Variants in XPO6 observed in about 807,000 individuals in gnomAD.
The protein encoded by XPO6 is exportin-6.
XPO6 carries 3 observed loss-of-function variants against 130.0 expected under a neutral mutation model. The ratio of observed to expected loss-of-function variants is 0.02; its 90% CI spans 0.01 to 0.06. The LOEUF (loss-of-function observed/expected upper bound fraction) is 0.06, where lower values mean the gene tolerates loss of function less well. Among genes scored for constraint, XPO6 ranks in the 10% least tolerant of loss-of-function variants. The pLI, the probability that XPO6 is intolerant of heterozygous loss-of-function variation, is 1.00. For synonymous variants in XPO6, 524 were observed against 548.9 expected (o/e 0.95, Z 0.63); for missense variants, 970 against 1,393.0 (o/e 0.70, Z 4.83).
intron 2 of XPO6, among the ~76,000 whole-genome samples, chr16:28,180,133 G>A (rs963659072): frequency 6.6e-5 from 10 of 152,180 alleles, no homozygotes; most frequent in East Asian, 1.9e-4. Flanking sequence ...TTGGGAGGCC[G>A]AGGTGGGCAG....
At chr16:28,126,430 C>T (rs1228188306) in intron 12 of XPO6, among the ~76,000 whole-genome samples, 2 of 152,158 alleles carry the variant, frequency 1.3e-5, no homozygotes, top group Non-Finnish European at 2.9e-5. Flanking sequence ...GACTTGGATT[C>T]CGAAGACACA....
At chr16:28,174,596 T>G (rs2043505093) in intron 4 of XPO6, among the ~76,000 whole-genome samples, 1 of 152,212 alleles carries the variant, frequency 6.6e-6, no homozygotes, top group Non-Finnish European at 1.5e-5. Flanking sequence ...AATCTCTAGA[T>G]AAATGAAGCA....
chr16:28,183,073 T>A (rs1248590892), intron 1 of XPO6, among the ~76,000 whole-genome samples: 2 of 152,202 alleles, frequency 1.3e-5, no homozygotes, highest in Admixed American at 6.5e-5. Context: ...TTAAAGTAGA[T>A]CCTGCAGCAA....
At chr16:28,131,035 C>A (rs1437942012) in intron 12 of XPO6, among the ~76,000 whole-genome samples, 1 of 152,142 alleles carries the variant, frequency 6.6e-6, no homozygotes, top group Non-Finnish European at 1.5e-5. Flanking sequence ...CACGATTATT[C>A]CCAAAAATGG....
rs1193365018 is a variant in XPO6, at chr16:28,146,242, A to T, written c.1225-39T>A. The T allele has an allele frequency of 6.5e-6, 9 of 1,380,090 alleles. No homozygotes were observed. In the African/African-American group the frequency reaches 1.3e-4, roughly 20 times the overall value. 85.5% of individuals were successfully genotyped at this position (1,380,090 alleles called of 1,614,324 possible). A position where few individuals can be genotyped will look rare whatever the true frequency, so the allele number is the denominator to read the frequency against. On this transcript the variant is annotated intron_variant, in intron 8 of 23. Coordinates refer to ENST00000304658, the MANE Select transcript of XPO6 (RefSeq NM_015171.4). ...AAAATCCAGACAATGAAATTATTTAATGCTACTATTCCTTAGAAACACACA... is the reference window on the plus strand; with the variant it reads ...AAAATCCAGACAATGAAATTATTTATTGCTACTATTCCTTAGAAACACACA...
intron 20 of XPO6, chr16:28,105,785 T>C (rs2086762426): frequency 2.2e-6 from 1 of 460,192 alleles, no homozygotes; most frequent in Non-Finnish European, 3.8e-6. Flanking sequence ...GGTATAAAAT[T>C]TGCCGCAGGA....
intron 14 of XPO6, among the ~76,000 whole-genome samples, chr16:28,120,540 CA>C (rs888551037): frequency 2.0e-5 from 3 of 152,108 alleles, no homozygotes; most frequent in Non-Finnish European, 4.4e-5. Context: ...GAATTTCAGT[CA>C]ATCTAGCACA....
At chr16:28,199,534 C>A (rs1159742522) in intron 1 of XPO6, among the ~76,000 whole-genome samples, 2 of 152,000 alleles carry the variant, frequency 1.3e-5, no homozygotes, top group Admixed American at 1.3e-4. Context: ...GCCTCGGCCT[C>A]CCAAAGTGCT....
chr16:28,172,640 A>C (rs1880652238), intron 4 of XPO6, among the ~76,000 whole-genome samples: 1 of 152,298 alleles, frequency 6.6e-6, no homozygotes, highest in South Asian at 2.1e-4. Flanking sequence ...ACCGCACGTA[A>C]GGCTGGGTTA....
At chr16:28,116,263 C>T (rs1191245789) in intron 15 of XPO6, among the ~76,000 whole-genome samples, 3 of 152,120 alleles carry the variant, frequency 2.0e-5, no homozygotes, top group Non-Finnish European at 4.4e-5. Context: ...AGATCAAGAC[C>T]ATCCTGGCTA....
At chr16:28,124,347 TGC>T (rs1383286851) in intron 13 of XPO6, among the ~76,000 whole-genome samples, 4 of 152,226 alleles carry the variant, frequency 2.6e-5, no homozygotes, top group Non-Finnish European at 5.9e-5. Context: ...CGTGAGCCAC[TGC>T]GCCCCGCCAA....
intron 15 of XPO6, chr16:28,116,962 G>A (rs867847079): frequency 1.9e-5 from 4 of 209,226 alleles, no homozygotes; most frequent in African/African-American, 4.5e-5. Flanking sequence ...GCGCAATAAA[G>A]GGAAGTGCAA....
intron 23 of XPO6, among the ~76,000 whole-genome samples, chr16:28,100,835 G>C (rs1056975805): frequency 6.6e-6 from 1 of 152,206 alleles, no homozygotes; most frequent in Non-Finnish European, 1.5e-5. Context: ...TGGACACCAA[G>C]AGCCAGCAGC....
chr16:28,196,702 T>C (rs2043869576), intron 1 of XPO6, among the ~76,000 whole-genome samples: 1 of 152,204 alleles, frequency 6.6e-6, no homozygotes, highest in African/African-American at 2.4e-5. Flanking sequence ...ATGCCCTCCC[T>C]GGCAAGGAGT....
intron 13 of XPO6, among the ~76,000 whole-genome samples, chr16:28,123,307 C>T (rs1264801299): frequency 4.6e-5 from 7 of 152,084 alleles, no homozygotes; most frequent in Admixed American, 4.6e-4. Context: ...CAGGTTTCGT[C>T]ATGTTGTCCA....
chr16:28,166,422 T>C (rs1484246321), intron 6 of XPO6, 86 bp downstream of exon 6: 5 of 1,432,508 alleles, frequency 3.5e-6, no homozygotes, highest in Non-Finnish European at 4.8e-6. Context: ...GCCTCCTCAG[T>C]ACTGAGGACT....
chr16:28,149,798 A>G (rs1382336448), intron 8 of XPO6, among the ~76,000 whole-genome samples: 1 of 152,228 alleles, frequency 6.6e-6, no homozygotes, highest in African/African-American at 2.4e-5. Flanking sequence ...CGACTGTACT[A>G]AAATTTGTGA....
In XPO6 at chr16:28,106,168, G is replaced by T; in HGVS notation, c.2659C>A (p.Arg887=). ...SILHEGSTGC[R]VVEKFLKILQ... ...ATCTTCAGAAACTTCTCCACCACCC[G>T]GCAGCCTGTGCTGCCCTCGTGGAGG... Residue 887 remains arginine (R), a synonymous_variant, in exon 20 of 24, where the codon CGG becomes AGG. Transcript: ENST00000304658. The surrounding 1 kb of genome is among the most constrained non-coding windows in gnomAD (Gnocchi z 4.2). 1.2e-6 allele frequency: 2 copies of T among 1,614,122 alleles called. No homozygotes were observed. Among genetic ancestry groups the T allele is most frequent in the South Asian group, 2.2e-5 (2 of 91,086 alleles).
At position 28,185,971 on chromosome 16, in the gene XPO6, T is replaced by G. The variant is rs112605851; in HGVS notation, c.4-4940A>C. ...AGCTTGCAACTGTGCCTGCCCTGAC[T>G]TTATCTGCTCCTTTTACTTTGCTGC... On this transcript the variant is annotated intron_variant, in intron 1 of 23. Coordinates refer to ENST00000304658, the MANE Select transcript of XPO6 (RefSeq NM_015171.4). Among the ~76,000 whole-genome samples, 540 of 152,330 alleles carry G rather than the reference T, an allele frequency of 3.5e-3. 5 individuals are homozygous for G. Among genetic ancestry groups the G allele is most frequent in the African/African-American group, 0.013 (522 of 41,562 alleles).
Sources: gnomAD v4.1 joint callset for allele counts (sites outside exome capture counted in the v4.1 genomes callset) on GRCh38, gnomAD v4.1.1 for gene constraint, Gnocchi (gnomAD v3.1) non-coding constraint, MANE v1.5 for transcripts, NCBI Gene and HGNC (gene_info 2026-07-23, HGNC 2026-07-21) for gene names.